CRACR2A: variants seen among roughly 807,000 people sequenced by gnomAD.
The protein encoded by CRACR2A is calcium release activated channel regulator 2A, also known as EF-hand calcium-binding domain-containing protein 4B.
In CRACR2A, 79 loss-of-function variants were observed where a neutral mutation model predicts 90.5. The ratio of observed to expected loss-of-function variants is 0.87; its 90% confidence interval spans 0.73 to 1.05. CRACR2A has a LOEUF of 1.05. Among genes scored for constraint, CRACR2A ranks in the 50% least tolerant of loss-of-function variants. CRACR2A has a pLI of 0.00. For synonymous variants in CRACR2A, 338 were observed against 356.7 expected (o/e 0.95, Z 0.59); for missense variants, 823 against 897.2 (o/e 0.92, Z 1.06).
intron 4 of CRACR2A, among the ~76,000 whole-genome samples, chr12:3,686,688 G>A (rs1945560853): frequency 6.6e-6 from 1 of 152,018 alleles, no homozygotes; most frequent in Non-Finnish European, 1.5e-5. Flanking sequence ...AGCTTCTAGG[G>A]TATTGCACCA....
At chr12:3,731,166 G>A (rs17770854) in intron 2 of CRACR2A, 2,694 of 152,528 alleles carry the variant, frequency 0.018, 29 homozygotes, top group Non-Finnish European at 0.025. Context: ...CAATGAGCTA[G>A]TTGGGCCCAG....
intron 7 of CRACR2A, among the ~76,000 whole-genome samples, chr12:3,667,101 A>T (rs542630057): frequency 2.0e-4 from 31 of 152,320 alleles, no homozygotes; most frequent in African/African-American, 7.0e-4. Context: ...GTTAGATGCA[A>T]AGAGAAGGAG....
At chr12:3,617,056 C>A in intron 18 of CRACR2A, 26 bp from the exon 19 acceptor site, 1 of 1,529,476 alleles carries the variant, frequency 6.5e-7, no homozygotes, top group Non-Finnish European at 8.9e-7. Flanking sequence ...AGAGCGAATA[C>A]AAGAGTATTG....
intron 17 of CRACR2A, among the ~76,000 whole-genome samples, chr12:3,621,479 C>T (rs1944132471): frequency 6.7e-6 from 1 of 148,872 alleles, no homozygotes; most frequent in South Asian, 2.1e-4. Flanking sequence ...TGGTGAAACC[C>T]TGTCTCTACT....
chr12:3,674,079 C>T (rs1053397280), intron 6 of CRACR2A, among the ~76,000 whole-genome samples: 12 of 152,222 alleles, frequency 7.9e-5, no homozygotes, highest in African/African-American at 2.9e-4. Flanking sequence ...CGTTTAAGGA[C>T]ACACACTATG....
intron 3 of CRACR2A, among the ~76,000 whole-genome samples, chr12:3,710,959 C>T (rs1945999247): frequency 6.6e-6 from 1 of 152,146 alleles, no homozygotes; most frequent in African/African-American, 2.4e-5. Flanking sequence ...CACAGTTATT[C>T]AGTCCGTAGC....
At chr12:3,641,647 G>C in intron 13 of CRACR2A, 85 bp downstream of exon 13, 2 of 1,227,672 alleles carry the variant, frequency 1.6e-6, no homozygotes, top group Non-Finnish European at 2.3e-6. Context: ...CTCTCAAGGG[G>C]TCAGCAGGCA....
intron 9 of CRACR2A, among the ~76,000 whole-genome samples, chr12:3,654,936 G>C (rs2137468391): frequency 6.6e-6 from 1 of 152,244 alleles, no homozygotes; most frequent in South Asian, 2.1e-4. Context: ...AAAATTCTTA[G>C]GAAATAACTA....
intron 2 of CRACR2A, among the ~76,000 whole-genome samples, chr12:3,720,585 C>T (rs1227650988): frequency 6.6e-6 from 1 of 152,170 alleles, no homozygotes; most frequent in Non-Finnish European, 1.5e-5. Flanking sequence ...TGTGTTAATC[C>T]CTCACAACAT....
intron 13 of CRACR2A, chr12:3,640,780 C>T (rs1944552004): frequency 7.7e-7 from 1 of 1,305,252 alleles, no homozygotes; most frequent in African/African-American, 1.5e-5. Context: ...CTGTGGCCAT[C>T]TATGTGGACA....
chr12:3,646,306 T>C (rs10848898), intron 11 of CRACR2A, among the ~76,000 whole-genome samples: 29,481 of 152,176 alleles, frequency 0.19, 3,645 homozygotes, highest in East Asian at 0.43. Flanking sequence ...TGTGATTCTA[T>C]GACTCTTCTG....
chr12:3,647,145 T>G (rs1054263060), intron 11 of CRACR2A, among the ~76,000 whole-genome samples: 23 of 152,208 alleles, frequency 1.5e-4, no homozygotes, highest in African/African-American at 5.5e-4. Context: ...GCTGTTGTCC[T>G]GATTCCACCA....
At chr12:3,634,579 T>TC (rs1944427362) in intron 14 of CRACR2A, among the ~76,000 whole-genome samples, 2 of 152,206 alleles carry the variant, frequency 1.3e-5, no homozygotes, top group Non-Finnish European at 2.9e-5. Flanking sequence ...TGAGGAATGA[T>TC]CATTCATTCC....
At chr12:3,660,795 C>T (rs1056852481) in intron 7 of CRACR2A, among the ~76,000 whole-genome samples, 15 of 150,046 alleles carry the variant, frequency 1.0e-4, no homozygotes, top group African/African-American at 3.7e-4. Context: ...TGTGAACAGG[C>T]TAATGTGGCT....
rs1565471042 is a variant in CRACR2A at position 3,643,870 on chromosome 12, T to A, written c.1164+725A>T. 4.5e-3 allele frequency among the ~76,000 whole-genome samples: 201 copies of A among 44,872 alleles called. 3 individuals carry two copies. The highest frequency in any genetic ancestry group is 0.029 in the Middle Eastern group (2 of 68). 29.4% of individuals were successfully genotyped at this position (44,872 alleles called of 152,430 possible). ...ATATTATATATTTATATTATATATA[T>A]TATATATATTTATATTAATATATAA... On this transcript the variant is annotated intron_variant, in intron 12 of 19. Transcript: ENST00000440314.
chr12:3,679,125 G>T (rs577606065), intron 5 of CRACR2A, 27 bp from the exon 6 acceptor site: 2 of 1,588,490 alleles, frequency 1.3e-6, no homozygotes, highest in Non-Finnish European at 1.7e-6. Flanking sequence ...ACAAGGATCC[G>T]AATTAGACCA....
intron 7 of CRACR2A, among the ~76,000 whole-genome samples, chr12:3,664,676 A>G (rs1945095794): frequency 6.6e-6 from 1 of 152,220 alleles, no homozygotes; most frequent in Non-Finnish European, 1.5e-5. Flanking sequence ...ACATGTAGGC[A>G]TAGCTATTCA....
At chr12:3,617,084 G>T (rs981973043) in intron 18 of CRACR2A, 54 bp from the exon 19 acceptor site, 4 of 1,368,922 alleles carry the variant, frequency 2.9e-6, no homozygotes, top group Admixed American at 2.0e-5. Flanking sequence ...AGGGGATTGT[G>T]GGGGGTGGTG....
intron 2 of CRACR2A, chr12:3,726,610 G>A (rs961639563): frequency 6.6e-6 from 1 of 151,970 alleles, no homozygotes; most frequent in South Asian, 2.1e-4. Flanking sequence ...CTTCACTGAG[G>A]TACAGATAAC....
Sources: allele counts gnomAD v4.1 joint callset (sites outside exome capture counted in the v4.1 genomes callset), GRCh38; gene constraint gnomAD v4.1.1; transcripts MANE v1.5; gene names NCBI Gene and HGNC (gene_info 2026-07-23, HGNC 2026-07-21).